RHEB: variants seen among roughly 807,000 people sequenced by gnomAD.
RHEB encodes Ras homolog, mTORC1 binding.
Under a neutral mutation model 28.8 loss-of-function variants are expected in RHEB, and 2 were observed. The ratio of observed to expected loss-of-function variants is 0.07; its 90% CI spans 0.03 to 0.22. The LOEUF is 0.22. RHEB is among the 10% of genes least tolerant of loss of function. The pLI is 1.00. For missense variants in RHEB, 76 were observed against 219.9 expected (o/e 0.35, Z 4.14); for synonymous variants, 69 against 77.3 (o/e 0.89, Z 0.56).
Position 151,477,325 on chromosome 7 carries a change from A to T in RHEB, c.275+8T>A. 1 of 1,506,934 alleles carries T rather than the reference A, an allele frequency of 6.6e-7. No homozygotes were observed. Among genetic ancestry groups the T allele is most frequent in the Non-Finnish European group, 9.2e-7 (1 of 1,085,798 alleles). 93.3% of individuals were successfully genotyped at this position (1,506,934 alleles called of 1,614,324 possible). Reference sequence around the variant, plus strand: ...CAAATCAACTCAAGCAGGCAGCAGGAGTCTTACCTTTTGATTGATGTAACA... The same window carrying T: ...CAAATCAACTCAAGCAGGCAGCAGGTGTCTTACCTTTTGATTGATGTAACA... On this transcript the variant is annotated splice_region_variant and intron_variant, in intron 4 of 7. Coordinates refer to ENST00000262187, the MANE Select transcript of RHEB (RefSeq NM_005614.4).
chr7:151,503,364 AGGATTTGGT>A, intron 1 of RHEB: 1 of 948,428 alleles, frequency 1.1e-6, no homozygotes, highest in Non-Finnish European at 1.7e-6. Context: ...GGTTTGTGAA[AGGATTTGGT>A]GGAATTGGAG....
At chr7:151,489,046 T>A (rs927425270) in intron 2 of RHEB, among the ~76,000 whole-genome samples, 5 of 152,182 alleles carry the variant, frequency 3.3e-5, no homozygotes, top group African/African-American at 9.7e-5. Context: ...GTTCAAGTGA[T>A]CCGCCTGTCT....
chr7:151,482,247 C>A (rs1380519314), intron 3 of RHEB, among the ~76,000 whole-genome samples: 1 of 152,174 alleles, frequency 6.6e-6, no homozygotes, highest in Non-Finnish European at 1.5e-5. Context: ...AAGACTTCTT[C>A]ACCCTTTTAT....
intron 4 of RHEB, among the ~76,000 whole-genome samples, chr7:151,476,732 A>G (rs532083942): frequency 2.0e-5 from 3 of 152,354 alleles, no homozygotes; most frequent in African/African-American, 7.2e-5. Flanking sequence ...ATAAGCTGTC[A>G]CCAATGCCCA....
intron 1 of RHEB, among the ~76,000 whole-genome samples, chr7:151,507,794 T>G (rs896079041): frequency 2.0e-5 from 3 of 152,212 alleles, no homozygotes; most frequent in Non-Finnish European, 4.4e-5. Flanking sequence ...TAGGTAACCC[T>G]ATTGCCAATT....
At chr7:151,501,783 A>C (rs1485533050) in intron 1 of RHEB, 1 of 309,260 alleles carries the variant, frequency 3.2e-6, no homozygotes, top group Non-Finnish European at 6.3e-6. Context: ...ATGTGAGCGC[A>C]CTGCAACACA....
intron 1 of RHEB, chr7:151,502,161 G>A (rs184980235): frequency 8.8e-5 from 38 of 431,732 alleles, no homozygotes; most frequent in East Asian, 5.5e-4. Context: ...TTGTGAACCC[G>A]GGAGGCTTAT....
intron 1 of RHEB, chr7:151,503,387 T>C: frequency 9.5e-7 from 1 of 1,051,814 alleles, no homozygotes; most frequent in South Asian, 1.3e-5. Context: ...ATTGGAGGTA[T>C]CCTGCAGTAC....
At chr7:151,471,878 C>T in intron 4 of RHEB, 1 of 392,560 alleles carries the variant, frequency 2.5e-6, no homozygotes, top group Non-Finnish European at 4.5e-6. Context: ...CACATAAATG[C>T]AAATTTTAAT....
At position 151,489,632 on chromosome 7, in the gene RHEB, G is replaced by A. The variant is rs181012038; in HGVS notation, c.124+1311C>T. Among the ~76,000 whole-genome samples, 297 of 152,234 alleles carry A rather than the reference G, an allele frequency of 2.0e-3. 1 individual carries two copies. The highest frequency in any genetic ancestry group is 6.9e-3 in the African/African-American group (288 of 41,534). Reference sequence around the variant, plus strand: ...ATATTTTAGGCTTTGTAGGCCACCTGGTCTCTGCTCTTACTATTCAACAAC... The same window carrying A: ...ATATTTTAGGCTTTGTAGGCCACCTAGTCTCTGCTCTTACTATTCAACAAC... On this transcript the variant is annotated intron_variant, in intron 2 of 7. Coordinates refer to ENST00000262187, the MANE Select transcript of RHEB (RefSeq NM_005614.4).
In RHEB at chr7:151,505,169, C is replaced by CA. The variant is rs36108780; in HGVS notation, c.53-14156dup. Among the ~76,000 whole-genome samples the CA allele has an allele frequency of 3.5e-3, 493 of 142,538 alleles. 13 individuals are homozygous for CA. In the East Asian group the frequency reaches 0.055, roughly 16 times the overall value. The allele number at this position is 142,538 out of a possible 152,430, so 93.5% of individuals were successfully genotyped here. On this transcript the variant is annotated intron_variant, in intron 1 of 7. Transcript: ENST00000262187. The stretch of plus-strand genomic sequence containing the variant: ...CTGACACGATACAAAATAAACAAAA[C>CA]AAAAAAAAAAACGAAAAAGTGAACC...
At chr7:151,506,298 C>G (rs185092499) in intron 1 of RHEB, among the ~76,000 whole-genome samples, 1 of 151,848 alleles carries the variant, frequency 6.6e-6, no homozygotes, top group East Asian at 1.9e-4. Flanking sequence ...GATCCTCTCA[C>G]CTTGGTCTCT....
chr7:151,488,091 C>T (rs1243593176), intron 2 of RHEB, among the ~76,000 whole-genome samples: 6 of 152,168 alleles, frequency 3.9e-5, no homozygotes, highest in African/African-American at 9.7e-5. Flanking sequence ...TGGCAGAAGT[C>T]GGAAATTGCT....
chr7:151,508,078 T>C (rs1802919705), intron 1 of RHEB, among the ~76,000 whole-genome samples: 1 of 152,082 alleles, frequency 6.6e-6, no homozygotes, highest in African/African-American at 2.4e-5. Flanking sequence ...TTAGCAACAA[T>C]GAAGAATGAG....
chr7:151,511,704 G>C (rs2150939037), intron 1 of RHEB, among the ~76,000 whole-genome samples: 1 of 149,988 alleles, frequency 6.7e-6, no homozygotes, highest in East Asian at 1.9e-4. Flanking sequence ...CTGTCGCCCA[G>C]TGGCGCGATC....
At chr7:151,507,126 C>A (rs1006775348) in intron 1 of RHEB, among the ~76,000 whole-genome samples, 2 of 152,118 alleles carry the variant, frequency 1.3e-5, no homozygotes, top group Admixed American at 1.3e-4. Context: ...GGTTTGTAAA[C>A]GGCAGAAAAA....
chr7:151,471,618 A>G lies in RHEB; in HGVS notation c.276-13T>C, dbSNP rs199779576. ...AATCACTTCAAAACTATAAAACAAA[A>G]AGTATAAATTAGACATCCATTTTAA... On this transcript the variant is annotated splice_polypyrimidine_tract_variant and intron_variant, in intron 4 of 7. Transcript: ENST00000262187. 9.8e-6 allele frequency: 15 copies of G among 1,535,742 alleles called. No individual in the cohort carries two copies. The South Asian group carries it at 1.2e-4, about 12-fold the overall frequency.
chr7:151,502,646 G>T, intron 1 of RHEB: 1 of 1,603,034 alleles, frequency 6.2e-7, no homozygotes, highest in Non-Finnish European at 8.5e-7. Flanking sequence ...GATGGTAGTG[G>T]TGCACTTTTT....
intron 1 of RHEB, among the ~76,000 whole-genome samples, chr7:151,508,275 C>A (rs1162763056): frequency 6.6e-6 from 1 of 152,192 alleles, no homozygotes; most frequent in African/African-American, 2.4e-5. Context: ...AGAGTATACT[C>A]ATCCGTCAGC....
Sources: gnomAD v4.1 joint callset for allele counts (sites outside exome capture counted in the v4.1 genomes callset) on GRCh38, gnomAD v4.1.1 for gene constraint, MANE v1.5 for transcripts, NCBI Gene and HGNC (gene_info 2026-07-23, HGNC 2026-07-21) for gene names.